UGT1A5: variants seen among roughly 807,000 people sequenced by gnomAD.
UGT1A5 encodes UDP-glucuronosyltransferase 1A5.
UGT1A5 carries 29 observed loss-of-function variants against 40.3 expected under a neutral mutation model. The observed-to-expected ratio is 0.72, with a 90% confidence interval of 0.54 to 0.98. The LOEUF (loss-of-function observed/expected upper bound fraction) is 0.98. UGT1A5 is among the 50% of genes least tolerant of loss of function. The pLI, the probability that UGT1A5 is intolerant of heterozygous loss-of-function variation, is 0.00. For synonymous variants in UGT1A5, 257 were observed against 262.5 expected, an observed-to-expected ratio of 0.98 and a Z score of 0.20; for missense variants, 678 against 677.9, an observed-to-expected ratio of 1.00 and a Z score of 0.00.
Position 233,713,823 on chromosome 2 carries a change from G to A in UGT1A5, c.832G>A (p.Gly278Ser), listed in dbSNP as rs2076349507. 1.9e-6 allele frequency: 3 copies of A among 1,613,920 alleles called. No homozygotes were observed. Among genetic ancestry groups the A allele is most frequent in the African/African-American group, 1.3e-5 (1 of 74,902 alleles). The change falls in exon 1 of 5, where the codon GGC (glycine) becomes AGC (serine). Residue 278 changes from glycine to serine, a missense_variant. Physicochemically the swap from Gly to Ser is moderately conservative, Grantham distance 56. Transcript: ENST00000373414. ...CATGCCCAACATGGTCTTCATTGGGGGCATCAACTGTGCCAACGGGAAGCC... is the reference window on the plus strand; with the variant it reads ...CATGCCCAACATGGTCTTCATTGGGAGCATCAACTGTGCCAACGGGAAGCC... ...PIMPNMVFIGGINCANGKPLS... is the reference protein window; with the variant it reads ...PIMPNMVFIGSINCANGKPLS...
chr2:233,745,337 C>G lies in UGT1A5; in HGVS notation c.868-21697C>G, dbSNP rs1050113231. Reference sequence around the variant, plus strand: ...TCCACTAGAACTGCTATATCATGACCATGAATTTTGGGGGAATTTTTTTGA... The same window carrying G: ...TCCACTAGAACTGCTATATCATGACGATGAATTTTGGGGGAATTTTTTTGA... On this transcript the variant is annotated intron_variant, in intron 1 of 4. Coordinates refer to ENST00000373414, the MANE Select transcript of UGT1A5 (RefSeq NM_019078.2). 2.3e-4 allele frequency among the ~76,000 whole-genome samples: 35 copies of G among 151,944 alleles called. 1 individual carries two copies. Among genetic ancestry groups the G allele is most frequent in the African/African-American group, 8.2e-4 (34 of 41,228 alleles).
rs752968297 is a variant in UGT1A5 at position 233,768,220 on chromosome 2, G to T, written c.1088G>T (p.Gly363Val). 65 of 1,614,160 alleles carry T rather than the reference G, an allele frequency of 4.0e-5. No homozygotes were observed. In the Admixed American group the frequency reaches 1.0e-3, roughly 25 times the overall value. Residue 363 changes from glycine to valine, a missense_variant and splice_region_variant, in exon 4 of 5, where the codon GGT (glycine) becomes GTT (valine). Gly to Val is a moderately radical substitution (Grantham distance 109, BLOSUM62 -3). Transcript: ENST00000373414. Reference sequence around the variant, plus strand: ...ACATCCTCCCTATTTTGCATCTCAGGTCACCCGATGACCCGTGCCTTTATC... The same window carrying T: ...ACATCCTCCCTATTTTGCATCTCAGTTCACCCGATGACCCGTGCCTTTATC... ...VKWLPQNDLL[G>V]HPMTRAFITH...
intron 1 of UGT1A5, among the ~76,000 whole-genome samples, chr2:233,748,343 G>T (rs192012783): frequency 6.6e-6 from 1 of 151,752 alleles, no homozygotes; most frequent in Non-Finnish European, 1.5e-5. Flanking sequence ...GAGACTGTTC[G>T]TTTGTAAAGG....
At chr2:233,724,403 T>TG (rs2077252164) in intron 1 of UGT1A5, among the ~76,000 whole-genome samples, 1 of 115,960 alleles carries the variant, frequency 8.6e-6, no homozygotes, top group Non-Finnish European at 1.8e-5. Flanking sequence ...ACTTCCCAGA[T>TG]GGGGTGGCTG....
chr2:233,731,462 C>T (rs1354411631), intron 1 of UGT1A5, among the ~76,000 whole-genome samples: 13 of 152,008 alleles, frequency 8.6e-5, no homozygotes, highest in African/African-American at 2.4e-4. Context: ...CAGGCCCTGG[C>T]GTGTGATGTT....
intron 1 of UGT1A5, among the ~76,000 whole-genome samples, chr2:233,723,789 T>G (rs1237220769): frequency 4.1e-5 from 2 of 49,208 alleles, no homozygotes; most frequent in Non-Finnish European, 6.9e-5. Flanking sequence ...TGCACCGCCC[T>G]TAATCCATTT....
At chr2:233,745,498 TCC>T (rs1294393562) in intron 1 of UGT1A5, among the ~76,000 whole-genome samples, 2 of 151,620 alleles carry the variant, frequency 1.3e-5, no homozygotes, top group Non-Finnish European at 2.9e-5. Flanking sequence ...TTCTAAGATT[TCC>T]TATAGGGTAT....
chr2:233,743,421 G>A (rs1692287450), intron 1 of UGT1A5: 1 of 1,339,950 alleles, frequency 7.5e-7, no homozygotes, highest in African/African-American at 1.5e-5. Flanking sequence ...TTCCCAGGGA[G>A]CCAAAGGAAC....
chr2:233,729,874 A>C (rs1272831634), intron 1 of UGT1A5: 1 of 1,613,832 alleles, frequency 6.2e-7, no homozygotes, highest in Non-Finnish European at 8.5e-7. Flanking sequence ...GGATATTCTC[A>C]GTCATGCATC....
At chr2:233,740,153 C>G (rs1191038998) in intron 1 of UGT1A5, among the ~76,000 whole-genome samples, 1 of 151,824 alleles carries the variant, frequency 6.6e-6, no homozygotes, top group African/African-American at 2.4e-5. Context: ...CCTGAGGCCT[C>G]CCCAGTCATG....
chr2:233,718,891 C>A (rs1334385335), intron 1 of UGT1A5: 1 of 1,613,996 alleles, frequency 6.2e-7, no homozygotes, highest in East Asian at 2.2e-5. Flanking sequence ...AGTGTCCAGC[C>A]CTGGGCTGAG....
intron 1 of UGT1A5, chr2:233,755,391 C>A: frequency 2.9e-6 from 1 of 343,030 alleles, no homozygotes; most frequent in Non-Finnish European, 5.7e-6. Context: ...TATGACGCAG[C>A]CACATCTCAT....
chr2:233,767,164 C>T lies in UGT1A5; in HGVS notation c.998C>T (p.Thr333Ile). 1.2e-6 allele frequency: 2 copies of T among 1,614,090 alleles called. No individual in the cohort carries two copies. The highest frequency in any genetic ancestry group is 1.7e-6 in the Non-Finnish European group (2 of 1,180,006). Reference sequence around the variant, plus strand: ...GATGCTTTGGGCAAAATCCCTCAGACAGTAAGAAGATTCTATACCATGGCC... The same window carrying T: ...GATGCTTTGGGCAAAATCCCTCAGATAGTAAGAAGATTCTATACCATGGCC... ...IADALGKIPQTVLWRYTGTRP... is the reference protein window; with the variant it reads ...IADALGKIPQIVLWRYTGTRP... Residue 333 changes from threonine to isoleucine, a missense_variant and splice_region_variant, in exon 2 of 5, where the codon ACA (threonine) becomes ATA (isoleucine). By Grantham distance (89) the Thr-to-Ile change is moderately conservative. Transcript: ENST00000373414.
At chr2:233,758,802 A>G (rs1160659282) in intron 1 of UGT1A5, among the ~76,000 whole-genome samples, 1 of 152,232 alleles carries the variant, frequency 6.6e-6, no homozygotes, top group Non-Finnish European at 1.5e-5. Flanking sequence ...TTGGAATTGT[A>G]TAGTACAGCA....
rs367682058 is a variant in UGT1A5, at chr2:233,743,655, C to T, written c.868-23379C>T. The T allele has an allele frequency of 6.6e-6, 9 of 1,367,176 alleles. No homozygotes were observed. In the East Asian group the frequency reaches 3.2e-4, roughly 48 times the overall value. The allele number at this position is 1,367,176 out of a possible 1,614,324, so 84.7% of individuals were successfully genotyped here. ...GGGTCGCGGAAGCTGAAGACGTACT[C>T]GAAGGGGTCCTCGAAGGGCCTGCCG... On this transcript the variant is annotated intron_variant, in intron 1 of 4. Coordinates refer to ENST00000373414, the MANE Select transcript of UGT1A5 (RefSeq NM_019078.2).
chr2:233,743,312 T>A, intron 1 of UGT1A5: 2 of 657,664 alleles, frequency 3.0e-6, no homozygotes, highest in South Asian at 1.5e-5. Context: ...TTGGTGGTGA[T>A]TTTTTTACCA....
At chr2:233,734,881 G>T (rs1413647330) in intron 1 of UGT1A5, among the ~76,000 whole-genome samples, 2 of 152,202 alleles carry the variant, frequency 1.3e-5, no homozygotes, top group Non-Finnish European at 2.9e-5. Flanking sequence ...CTGAGAGACA[G>T]TTTGTTGTGA....
At chr2:233,744,389 G>GC (rs1692798556) in intron 1 of UGT1A5, among the ~76,000 whole-genome samples, 1 of 151,858 alleles carries the variant, frequency 6.6e-6, no homozygotes, top group African/African-American at 2.4e-5. Flanking sequence ...CAACGTTCCA[G>GC]CCCCGGTGCC....
chr2:233,760,870 A>G lies in UGT1A5; in HGVS notation c.868-6164A>G, dbSNP rs761998591. Reference sequence around the variant, plus strand: ...CCCCAACCCATTCTCCTACGTGCCCAGGCCTCTCTCCTCTCATTCAGATCA... The same window carrying G: ...CCCCAACCCATTCTCCTACGTGCCCGGGCCTCTCTCCTCTCATTCAGATCA... On this transcript the variant is annotated intron_variant, in intron 1 of 4. Transcript: ENST00000373414. 2.5e-6 allele frequency: 4 copies of G among 1,614,048 alleles called. No individual in the cohort carries two copies. Among genetic ancestry groups the G allele is most frequent in the Admixed American group, 3.3e-5 (2 of 60,002 alleles).
Sources: gnomAD v4.1 joint callset for allele counts (sites outside exome capture counted in the v4.1 genomes callset) on GRCh38, gnomAD v4.1.1 for gene constraint, MANE v1.5 for transcripts, NCBI Gene and HGNC (gene_info 2026-07-23, HGNC 2026-07-21) for gene names.